The following MAF variants were observed in gnomAD, a reference collection of about 807,000 sequenced individuals.
The protein encoded by MAF is transcription factor Maf.
Under a neutral mutation model 22.0 loss-of-function variants are expected in MAF, and 10 were observed. That is an observed-to-expected ratio of 0.45 (90% CI 0.28 to 0.77). The LOEUF (loss-of-function observed/expected upper bound fraction) is 0.77, where lower values mean the gene tolerates loss of function less well. MAF is among the 30% of genes least tolerant of loss of function. The pLI, the probability that MAF is intolerant of heterozygous loss-of-function variation, is 0.12. For missense variants in MAF, 544 were observed against 548.4 expected, an observed-to-expected ratio of 0.99 and a Z score of 0.08; for synonymous variants, 337 against 255.8, an observed-to-expected ratio of 1.32 and a Z score of -3.03.
At chr16:79,454,843 T>A in the MAF span, among the ~76,000 whole-genome samples, 1 of 152,138 alleles carries the variant, frequency 6.6e-6, no homozygotes, top group Non-Finnish European at 1.5e-5. Flanking sequence ...ATGCCTGTAA[T>A]CCCAGCACTT....
chr16:79,489,238 T>C, the MAF span, among the ~76,000 whole-genome samples: 1 of 152,106 alleles, frequency 6.6e-6, no homozygotes, highest in South Asian at 2.1e-4. Context: ...CCCATCCATC[T>C]ACTCATCCAT....
chr16:79,234,717 G>A, the MAF span, among the ~76,000 whole-genome samples: 12 of 152,112 alleles, frequency 7.9e-5, no homozygotes, highest in East Asian at 2.1e-3. Flanking sequence ...ATCCAGGAAA[G>A]GGTTAGCTGA....
the MAF span, among the ~76,000 whole-genome samples, chr16:79,521,807 T>A: frequency 1.3e-5 from 2 of 152,182 alleles, no homozygotes; most frequent in Non-Finnish European, 2.9e-5. Flanking sequence ...GCTTTCTATG[T>A]GAAAAAGACA....
chr16:79,214,778 T>G, the MAF span, among the ~76,000 whole-genome samples: 1 of 140,640 alleles, frequency 7.1e-6, no homozygotes, highest in Admixed American at 7.7e-5. Flanking sequence ...AGTGGCGTGA[T>G]TTTGGCTCAC....
At chr16:79,516,383 T>C in the MAF span, 6 of 152,216 alleles carry the variant, frequency 3.9e-5, no homozygotes, top group Non-Finnish European at 8.8e-5. Flanking sequence ...GGAAAACTGC[T>C]GTGTGCTATG....
the MAF span, among the ~76,000 whole-genome samples, chr16:79,394,566 C>G: frequency 6.6e-6 from 1 of 152,214 alleles, no homozygotes; most frequent in Non-Finnish European, 1.5e-5. Context: ...ATCCCATGAC[C>G]TCTCTGAGGT....
Position 79,599,142 on chromosome 16 carries a change from C to T in MAF, c.761G>A (p.Gly254Asp). ...GGAGAAGCGGTCGTCGAAGTGCAGG[C>T]CGCCGGCGGCGTGGTGCGGGTGCAG... The part of the protein sequence containing the change: ...GALHPHHAAG[G>D]LHFDDRFSDE... The change falls in exon 1 of 2, where the codon GGC becomes GAC. Residue 254 changes from glycine (G) to aspartate (D), a missense_variant. Coordinates refer to ENST00000326043, the MANE Select transcript of MAF (RefSeq NM_005360.5). 1 of 1,565,778 alleles carries T rather than the reference C, an allele frequency of 6.4e-7. No homozygotes were observed. Among genetic ancestry groups the T allele is most frequent in the Non-Finnish European group, 8.6e-7 (1 of 1,162,514 alleles).
At chr16:79,264,171 T>C in the MAF span, among the ~76,000 whole-genome samples, 2 of 152,162 alleles carry the variant, frequency 1.3e-5, no homozygotes, top group Non-Finnish European at 2.9e-5. Flanking sequence ...AGGATCACAT[T>C]GTAAGCAGAG....
chr16:79,474,195 C>A, the MAF span, among the ~76,000 whole-genome samples: 1 of 152,078 alleles, frequency 6.6e-6, no homozygotes, highest in Non-Finnish European at 1.5e-5. Flanking sequence ...CAAGGGCTAC[C>A]CCCTCCTCCA....
chr16:79,472,328 A>G, the MAF span, among the ~76,000 whole-genome samples: 1 of 152,252 alleles, frequency 6.6e-6, no homozygotes, highest in Non-Finnish European at 1.5e-5. Context: ...GAATTCACTC[A>G]TAAAGACATT....
chr16:79,250,755 G>A, the MAF span, among the ~76,000 whole-genome samples: 15 of 152,144 alleles, frequency 9.9e-5, no homozygotes, highest in African/African-American at 3.1e-4. Context: ...TGAGAAATCC[G>A]TTACGCATTG....
chr16:79,592,617 T>G (rs1913252906), downstream of MAF, among the ~76,000 whole-genome samples: 1 of 152,200 alleles, frequency 6.6e-6, no homozygotes, highest in African/African-American at 2.4e-5. Flanking sequence ...GACATCTTCT[T>G]TTAGATTTAG....
At chr16:79,570,224 C>T in the MAF span, among the ~76,000 whole-genome samples, 1 of 152,102 alleles carries the variant, frequency 6.6e-6, no homozygotes, top group Non-Finnish European at 1.5e-5. Flanking sequence ...CTTTCTAACA[C>T]TACCTAAGCA....
the MAF span, among the ~76,000 whole-genome samples, chr16:79,443,208 C>T: frequency 3.3e-5 from 5 of 152,204 alleles, no homozygotes; most frequent in Non-Finnish European, 7.3e-5. Context: ...GAAGCTGTCA[C>T]TTTGCTTCCT....
At chr16:79,357,071 A>C in the MAF span, among the ~76,000 whole-genome samples, 1 of 152,226 alleles carries the variant, frequency 6.6e-6, no homozygotes, top group African/African-American at 2.4e-5. Flanking sequence ...AGCCAGGCCA[A>C]CATGGTGAAA....
the MAF span, among the ~76,000 whole-genome samples, chr16:79,396,591 T>A: frequency 2.0e-5 from 3 of 152,206 alleles, no homozygotes. Flanking sequence ...GGGTATCCCA[T>A]GACCTCTCTG....
chr16:79,224,669 A>G, the MAF span, among the ~76,000 whole-genome samples: 1 of 152,372 alleles, frequency 6.6e-6, no homozygotes, highest in African/African-American at 2.4e-5. Flanking sequence ...AAGTCTCAGG[A>G]TACAAAATCC....
the MAF span, chr16:79,211,768 A>G: frequency 6.2e-7 from 1 of 1,614,136 alleles, no homozygotes; most frequent in Non-Finnish European, 8.5e-7. Flanking sequence ...AGGCTGATCC[A>G]AGAACGGCTT....
chr16:79,400,675 C>G, the MAF span, among the ~76,000 whole-genome samples: 1 of 152,242 alleles, frequency 6.6e-6, no homozygotes. Context: ...CCAGACCACT[C>G]TGCAAAGTAA....
Sources: allele counts gnomAD v4.1 joint callset (sites outside exome capture counted in the v4.1 genomes callset), GRCh38; gene constraint gnomAD v4.1.1; transcripts MANE v1.5; gene names NCBI Gene and HGNC (gene_info 2026-07-23, HGNC 2026-07-21).